Variants in NFXL1 observed in about 807,000 individuals in gnomAD.
NFXL1 encodes the protein NF-X1-type zinc finger protein NFXL1.
NFXL1 carries 66 observed loss-of-function variants against 123.3 expected under a neutral mutation model. The ratio of observed to expected loss-of-function variants is 0.54; its 90% CI spans 0.44 to 0.66. The LOEUF (loss-of-function observed/expected upper bound fraction) is 0.66, where lower values mean the gene tolerates loss of function less well. Among genes scored for constraint, NFXL1 ranks in the 30% least tolerant of loss-of-function variants. The pLI, the probability that NFXL1 is intolerant of heterozygous loss-of-function variation, is 0.00. For missense variants in NFXL1, 944 were observed against 1,125.6 expected, an observed-to-expected ratio of 0.84 and a Z score of 2.31; for synonymous variants, 346 against 360.8, an observed-to-expected ratio of 0.96 and a Z score of 0.46.
At chr4:47,859,377 C>T (rs979747780) in intron 19 of NFXL1, among the ~76,000 whole-genome samples, 2 of 152,096 alleles carry the variant, frequency 1.3e-5, no homozygotes, top group East Asian at 3.8e-4. Context: ...TAACTAAGTC[C>T]GTTACATGTT....
rs1578049247 is a variant in NFXL1 at position 47,914,561 on chromosome 4, C to A, written c.-199G>T. The A allele has an allele frequency of 1.8e-5, 4 of 223,762 alleles. No homozygotes were observed. The highest frequency in any genetic ancestry group is 5.7e-5 in the Admixed American group (1 of 17,646). 13.9% of individuals were successfully genotyped at this position (223,762 alleles called of 1,614,324 possible). ...AGTCACAGACTGACCCTGCGTCTCC[C>A]GCCGGGAACCAACTGCAGTGGTACA... On this transcript the variant is annotated 5_prime_UTR_variant, in exon 1 of 23. Transcript: ENST00000507489.
At chr4:47,876,994 A>C in intron 17 of NFXL1, 1 of 1,112,366 alleles carries the variant, frequency 9.0e-7, no homozygotes, top group South Asian at 1.3e-5. Context: ...AAAATATGCA[A>C]AAAGAACCAA....
At chr4:47,894,339 T>C (rs779010630) in intron 10 of NFXL1, 37 bp from the exon 11 acceptor site, 14 of 1,497,612 alleles carry the variant, frequency 9.3e-6, no homozygotes, top group Non-Finnish European at 1.3e-5. Flanking sequence ...AAATTGATTT[T>C]TGTTAATATT....
intron 17 of NFXL1, among the ~76,000 whole-genome samples, chr4:47,876,736 C>A (rs1490719998): frequency 2.0e-5 from 3 of 152,048 alleles, no homozygotes; most frequent in Non-Finnish European, 4.4e-5. Flanking sequence ...TAGGAAATTA[C>A]TGCAGAAATC....
chr4:47,848,948 A>ATTTT (rs1733966676), intron 22 of NFXL1, among the ~76,000 whole-genome samples: 1 of 152,132 alleles, frequency 6.6e-6, no homozygotes, highest in Admixed American at 6.6e-5. Context: ...GATGCTCTAA[A>ATTTT]ATATAGACAC....
At chr4:47,851,283 T>C (rs1734103192) in intron 21 of NFXL1, 135 bp from the exon 22 acceptor site, 1 of 654,678 alleles carries the variant, frequency 1.5e-6, no homozygotes, top group South Asian at 1.9e-5. Context: ...GAAATGTAAA[T>C]GCTATACTGA....
Position 47,910,896 on chromosome 4 carries a change from C to T in NFXL1, c.334G>A (p.Gly112Arg), listed in dbSNP as rs760811483. The change falls in exon 3 of 23, where the codon GGA (glycine) becomes AGA (arginine). Residue 112 changes from glycine (G) to arginine (R), a missense_variant. Gly to Arg is a moderately radical substitution (Grantham distance 125). This residue lies in a region of NFXL1 where 303 missense variants were observed against 292.1 expected (regional missense o/e 1.04). Coordinates refer to ENST00000507489, the MANE Select transcript of NFXL1 (RefSeq NM_001278624.2). Reference protein sequence around the residue: ...EEQFSSSSEEGDEDFEGKQGK... With the variant: ...EEQFSSSSEERDEDFEGKQGK... ...TGTTTTCCTTCAAAATCTTCATCTC[C>T]TTCTTCAGATGAAGAGCTAAACTGT... 2 of 1,597,494 alleles carry T rather than the reference C, an allele frequency of 1.3e-6. No individual in the cohort carries two copies. The highest frequency in any genetic ancestry group is 1.1e-5 in the South Asian group (1 of 88,896).
Position 47,899,449 on chromosome 4 carries a change from C to A in NFXL1, c.747G>T (p.Val249=). 3.1e-6 allele frequency: 5 copies of A among 1,613,646 alleles called. No individual in the cohort carries two copies. The highest frequency in any genetic ancestry group is 4.2e-6 in the Non-Finnish European group (5 of 1,179,636). The change falls in exon 6 of 23, where the codon GTG becomes GTT. Residue 249 remains valine (V), a synonymous_variant. Coordinates refer to ENST00000507489, the MANE Select transcript of NFXL1 (RefSeq NM_001278624.2). ...CACATACTTGGCCACATGAATGAGG[C>A]ACAAGCCACGGATCTAAAGGTGGAT... ...VEDPPLDPWL[V]PHSCGQVCER...
chr4:47,865,712 T>G (rs1735019402), intron 18 of NFXL1, among the ~76,000 whole-genome samples: 1 of 152,164 alleles, frequency 6.6e-6, no homozygotes, highest in Admixed American at 6.5e-5. Flanking sequence ...TACACCAGGC[T>G]GGGTGCAGTG....
chr4:47,868,594 C>T (rs1028683890), intron 18 of NFXL1, among the ~76,000 whole-genome samples: 3 of 151,084 alleles, frequency 2.0e-5, no homozygotes, highest in Admixed American at 6.6e-5. Flanking sequence ...TAATCAACCA[C>T]TAAACGAAAA....
At chr4:47,900,467 C>T (rs988440440) in intron 5 of NFXL1, among the ~76,000 whole-genome samples, 3 of 152,210 alleles carry the variant, frequency 2.0e-5, no homozygotes, top group Non-Finnish European at 4.4e-5. Flanking sequence ...GCCTTGGCCT[C>T]CCAAAGTGCT....
chr4:47,888,275 A>G (rs1578024314), intron 12 of NFXL1, among the ~76,000 whole-genome samples: 1 of 152,224 alleles, frequency 6.6e-6, no homozygotes. Flanking sequence ...TCCGTCTCAA[A>G]GAACAAAACA....
intron 12 of NFXL1, among the ~76,000 whole-genome samples, chr4:47,886,366 T>C (rs115264265): frequency 0.035 from 5,322 of 152,176 alleles, 333 homozygotes; most frequent in African/African-American, 0.12. Flanking sequence ...TTATTTGTAA[T>C]ACTTTTCTCT....
At chr4:47,912,610 C>T (rs1431565280) in intron 2 of NFXL1, among the ~76,000 whole-genome samples, 2 of 150,200 alleles carry the variant, frequency 1.3e-5, no homozygotes, top group African/African-American at 4.9e-5. Context: ...AGGCGCCTGC[C>T]ACCCCGCCCG....
At chr4:47,866,813 CTT>C (rs1463497711) in intron 18 of NFXL1, among the ~76,000 whole-genome samples, 1 of 152,206 alleles carries the variant, frequency 6.6e-6, no homozygotes, top group Non-Finnish European at 1.5e-5. Flanking sequence ...TGCTTTCCCT[CTT>C]GAGAGCCCTG....
chr4:47,892,608 C>T (rs766808910), intron 11 of NFXL1, among the ~76,000 whole-genome samples: 13 of 152,152 alleles, frequency 8.5e-5, no homozygotes, highest in Non-Finnish European at 1.5e-4. Context: ...AAGTAGAGTA[C>T]TTAGAAGACT....
chr4:47,852,937 T>G (rs1042653101), intron 20 of NFXL1, among the ~76,000 whole-genome samples: 1 of 151,896 alleles, frequency 6.6e-6, no homozygotes, highest in Non-Finnish European at 1.5e-5. Context: ...AAAAGCATTT[T>G]ATGGCATGGA....
At chr4:47,910,738 T>A (rs1404214548) in intron 3 of NFXL1, 86 bp downstream of exon 3, 2 of 737,362 alleles carry the variant, frequency 2.7e-6, no homozygotes, top group Admixed American at 6.0e-5. Context: ...ATAAAATCTA[T>A]TCCATATAGA....
chr4:47,872,577 A>T (rs1735516442), intron 18 of NFXL1, among the ~76,000 whole-genome samples: 1 of 152,216 alleles, frequency 6.6e-6, no homozygotes, highest in Non-Finnish European at 1.5e-5. Context: ...ATACTAAAGC[A>T]AGTCACACAC....
Sources: gnomAD v4.1 joint callset for allele counts (sites outside exome capture counted in the v4.1 genomes callset) on GRCh38, gnomAD v4.1.1 for gene constraint, gnomAD v4.1.1 regional missense constraint, MANE v1.5 for transcripts, NCBI Gene and HGNC (gene_info 2026-07-23, HGNC 2026-07-21) for gene names.